Variants in TRIO observed in about 807,000 individuals in gnomAD.
The protein encoded by TRIO is triple functional domain protein.
TRIO carries 58 observed loss-of-function variants against 351.9 expected under a neutral mutation model. That is an observed-to-expected ratio of 0.16 (90% confidence interval 0.13 to 0.21). The LOEUF (loss-of-function observed/expected upper bound fraction) is 0.21. Among genes scored for constraint, TRIO ranks in the 10% least tolerant of loss-of-function variants. TRIO has a pLI of 1.00. For missense variants in TRIO, 3,201 were observed against 4,027.8 expected (o/e 0.79, Z 5.56); for synonymous variants, 1,758 against 1,595.7 (o/e 1.10, Z -2.42).
chr5:14,388,536 T>G, intron 23 of TRIO, 77 bp from the exon 24 acceptor site: 1 of 1,400,362 alleles, frequency 7.1e-7, no homozygotes, highest in Non-Finnish European at 1.0e-6. Flanking sequence ...CACTCTGTTA[T>G]TTCATAAATC....
chr5:14,479,949 C>A lies in TRIO; in HGVS notation c.6274C>A (p.Gln2092Lys), dbSNP rs144053719. ...AAAGCAGCGTCTTGGCCACAGGTTA[C>A]AGCTCACAGATCTGTTGATCAAACC... ...DLKQRLGHRL[Q>K]LTDLLIKPVQ... Residue 2092 changes from glutamine to lysine, a missense_variant, in exon 43 of 57, where the codon CAG becomes AAG. Physicochemically the swap from Gln to Lys is moderately conservative, Grantham distance 53. Around this residue, in one of 19 missense-constraint regions of TRIO, gnomAD observed 307 missense variants for 396.5 expected, o/e 0.77. Transcript: ENST00000344204. 77 of 1,613,990 alleles carry A rather than the reference C, an allele frequency of 4.8e-5. No individual in the cohort carries two copies. The highest frequency in any genetic ancestry group is 1.1e-5 in the Non-Finnish European group (13 of 1,179,954).
At chr5:14,175,360 C>G (rs1378418887) in intron 1 of TRIO, among the ~76,000 whole-genome samples, 1 of 152,110 alleles carries the variant, frequency 6.6e-6, no homozygotes, top group Non-Finnish European at 1.5e-5. Flanking sequence ...CCAGTTTTTT[C>G]CACTCCTTAC....
At chr5:14,499,685 T>G (rs1757138457) in intron 53 of TRIO, among the ~76,000 whole-genome samples, 1 of 152,068 alleles carries the variant, frequency 6.6e-6, no homozygotes, top group Non-Finnish European at 1.5e-5. Context: ...TTTTCTAATT[T>G]GTAAATAACA....
At position 14,400,971 on chromosome 5, in the gene TRIO, G is replaced by A. The variant is rs1748026769; in HGVS notation, c.4623G>A (p.Glu1541=). ...ATTGTCTTTTTATCCAGACCTCAGA[G>A]TTGGGTGTCACAGAACATGTTGAAG... ...YLYKSKLFTS[E]LGVTEHVEGD... The change falls in exon 31 of 57, where the codon GAG becomes GAA. Residue 1541 remains glutamate, a synonymous_variant. Transcript: ENST00000344204. 1.2e-6 allele frequency: 2 copies of A among 1,613,988 alleles called. No individual in the cohort carries two copies. Among genetic ancestry groups the A allele is most frequent in the Non-Finnish European group, 1.7e-6 (2 of 1,179,964 alleles).
At position 14,345,493 on chromosome 5, in the gene TRIO, C is replaced by G. The variant is rs182753186; in HGVS notation, c.2046+8766C>G. 2.2e-3 allele frequency among the ~76,000 whole-genome samples: 338 copies of G among 152,282 alleles called. 4 individuals are homozygous for G. Among genetic ancestry groups the G allele is most frequent in the African/African-American group, 7.7e-3 (322 of 41,550 alleles). On this transcript the variant is annotated intron_variant, in intron 11 of 56. Transcript: ENST00000344204. ...TTAATGTAATGTAAAAGGTGAGGCACTTCAACACAAGGTCAAGAGATGAAG... is the reference window on the plus strand; with the variant it reads ...TTAATGTAATGTAAAAGGTGAGGCAGTTCAACACAAGGTCAAGAGATGAAG...
intron 33 of TRIO, among the ~76,000 whole-genome samples, chr5:14,410,319 T>G (rs1749090858): frequency 6.6e-6 from 1 of 152,088 alleles, no homozygotes; most frequent in Non-Finnish European, 1.5e-5. Context: ...CTCTTAGCCA[T>G]CTCCCTCCTT....
chr5:14,150,734 C>A (rs958385227), intron 1 of TRIO, among the ~76,000 whole-genome samples: 67 of 152,114 alleles, frequency 4.4e-4, no homozygotes, highest in African/African-American at 1.5e-3. Flanking sequence ...TAAACTTGAA[C>A]AAAATTGAGT....
intron 1 of TRIO, among the ~76,000 whole-genome samples, chr5:14,244,522 A>G (rs910564281): frequency 1.3e-5 from 2 of 152,216 alleles, no homozygotes; most frequent in African/African-American, 2.4e-5. Context: ...ATTCTAGAAT[A>G]TGATTTTTCT....
intron 1 of TRIO, among the ~76,000 whole-genome samples, chr5:14,153,363 C>T (rs376293665): frequency 7.9e-5 from 12 of 152,216 alleles, no homozygotes; most frequent in African/African-American, 2.7e-4. Context: ...AGAATAAGCA[C>T]ATCTGCAAAG....
intron 19 of TRIO, among the ~76,000 whole-genome samples, chr5:14,376,441 TA>T (rs1330531997): frequency 6.6e-6 from 1 of 152,252 alleles, no homozygotes; most frequent in East Asian, 1.9e-4. Context: ...CATGTAAATG[TA>T]AATATGTAGA....
At chr5:14,344,381 T>C (rs904248613) in intron 11 of TRIO, among the ~76,000 whole-genome samples, 6 of 152,252 alleles carry the variant, frequency 3.9e-5, no homozygotes, top group African/African-American at 1.4e-4. Context: ...TATGTCTTTC[T>C]ATAAAAATAT....
intron 1 of TRIO, among the ~76,000 whole-genome samples, chr5:14,242,956 G>C (rs1343354994): frequency 1.3e-5 from 2 of 152,200 alleles, no homozygotes; most frequent in Non-Finnish European, 2.9e-5. Context: ...TGAGCTTTGG[G>C]ATACCTTGCT....
At chr5:14,451,248 C>G (rs1341405657) in intron 34 of TRIO, among the ~76,000 whole-genome samples, 1 of 152,046 alleles carries the variant, frequency 6.6e-6, no homozygotes, top group South Asian at 2.1e-4. Context: ...GAAGTTGCAT[C>G]CAGAGGATTA....
At chr5:14,456,804 C>T (rs1028077559) in intron 34 of TRIO, among the ~76,000 whole-genome samples, 9 of 152,176 alleles carry the variant, frequency 5.9e-5, no homozygotes, top group African/African-American at 2.2e-4. Flanking sequence ...TTAAAATTCG[C>T]ATCAAAGTAG....
At chr5:14,481,730 G>C in intron 45 of TRIO, 112 bp downstream of exon 45, 1 of 994,448 alleles carries the variant, frequency 1.0e-6, no homozygotes. Context: ...TGGTTTTCTG[G>C]CTTCTCTCAC....
At chr5:14,151,417 T>C (rs575260276) in intron 1 of TRIO, among the ~76,000 whole-genome samples, 1 of 152,194 alleles carries the variant, frequency 6.6e-6, no homozygotes, top group African/African-American at 2.4e-5. Context: ...TGTATGTATG[T>C]ATGTAGGTAT....
rs542727903 is a variant in TRIO at position 14,181,084 on chromosome 5, A to G, written c.157+37202A>G. On this transcript the variant is annotated intron_variant, in intron 1 of 56. Coordinates refer to ENST00000344204, the MANE Select transcript of TRIO (RefSeq NM_007118.4). Reference sequence around the variant, plus strand: ...TAAAAAAATAACAATGGAATACTACAATGTATTTTTTTTTGTTTCATTCTT... The same window carrying G: ...TAAAAAAATAACAATGGAATACTACGATGTATTTTTTTTTGTTTCATTCTT... Among the ~76,000 whole-genome samples the G allele has an allele frequency of 4.4e-4, 24 of 54,838 alleles. No individual in the cohort carries two copies. The East Asian group carries it at 0.022, about 50-fold the overall frequency. The allele number at this position is 54,838 out of a possible 152,430, so 36.0% of individuals were successfully genotyped here.
chr5:14,150,427 A>AAC (rs1207318505), intron 1 of TRIO, among the ~76,000 whole-genome samples: 1 of 151,432 alleles, frequency 6.6e-6, no homozygotes, highest in East Asian at 1.9e-4. Flanking sequence ...ACATGCACAC[A>AAC]ACACACACAC....
At chr5:14,184,837 T>C (rs1790008206) in intron 1 of TRIO, among the ~76,000 whole-genome samples, 1 of 152,172 alleles carries the variant, frequency 6.6e-6, no homozygotes, top group Non-Finnish European at 1.5e-5. Flanking sequence ...ACTGCTGTGC[T>C]TCCCTCCTGG....
Sources: gnomAD v4.1 joint callset for allele counts (sites outside exome capture counted in the v4.1 genomes callset) on GRCh38, gnomAD v4.1.1 for gene constraint, gnomAD v4.1.1 regional missense constraint, MANE v1.5 for transcripts, NCBI Gene and HGNC (gene_info 2026-07-23, HGNC 2026-07-21) for gene names.